ITPR1: variants seen among roughly 807,000 people sequenced by gnomAD.
ITPR1 encodes inositol 1,4,5-trisphosphate-gated calcium channel ITPR1.
A neutral mutation model predicts 318.4 loss-of-function variants in ITPR1; 96 were observed. That is an observed-to-expected ratio of 0.30 (90% CI 0.26 to 0.36). The LOEUF is 0.36. Among genes scored for constraint, ITPR1 ranks in the 10% least tolerant of loss-of-function variants. The pLI, the probability that ITPR1 is intolerant of heterozygous loss-of-function variation, is 1.00. For missense variants in ITPR1, 2,440 were observed against 3,460.2 expected (o/e 0.71, Z 7.40); for synonymous variants, 1,312 against 1,289.9 (o/e 1.02, Z -0.37).
intron 50 of ITPR1, among the ~76,000 whole-genome samples, chr3:4,783,097 A>G (rs910885165): frequency 1.3e-5 from 2 of 152,244 alleles, no homozygotes; most frequent in Non-Finnish European, 2.9e-5. Flanking sequence ...CCAAAGAAAT[A>G]AACTTCAGCT....
chr3:4,794,814 T>A (rs2047792947), intron 52 of ITPR1, among the ~76,000 whole-genome samples: 1 of 152,186 alleles, frequency 6.6e-6, no homozygotes, highest in Admixed American at 6.5e-5. Flanking sequence ...TGCTCCAACT[T>A]TTCTCTTTTT....
chr3:4,567,103 A>C (rs2087376421), intron 4 of ITPR1, among the ~76,000 whole-genome samples: 2 of 152,154 alleles, frequency 1.3e-5, no homozygotes, highest in Admixed American at 6.5e-5. Context: ...TTTCAGTGGA[A>C]TGTTGTGAGA....
intron 8 of ITPR1, among the ~76,000 whole-genome samples, chr3:4,644,915 G>A (rs1264689040): frequency 1.3e-5 from 2 of 152,176 alleles, no homozygotes; most frequent in Admixed American, 6.5e-5. Flanking sequence ...AGGAGATTGT[G>A]CGTGTTAGCA....
chr3:4,676,870 G>A, intron 24 of ITPR1, 69 bp downstream of exon 24: 1 of 1,234,306 alleles, frequency 8.1e-7, no homozygotes, highest in Non-Finnish European at 1.1e-6. Flanking sequence ...CAGTCCCTCT[G>A]TTCTGATGGA....
intron 4 of ITPR1, among the ~76,000 whole-genome samples, chr3:4,531,671 T>C (rs1449135713): frequency 6.6e-6 from 1 of 152,230 alleles, no homozygotes; most frequent in African/African-American, 2.4e-5. Context: ...GCAGTCAGAA[T>C]ACTTGCTCTG....
rs75488897 is a variant in ITPR1 at position 4,523,482 on chromosome 3, C to T, written c.163+2388C>T. Among the ~76,000 whole-genome samples the T allele has an allele frequency of 6.6e-3, 999 of 151,548 alleles. 12 individuals carry two copies. Among genetic ancestry groups the T allele is most frequent in the African/African-American group, 0.023 (963 of 41,336 alleles). ...CTACTCTTAGTGAGTTTCAAATATACGGTGTATTGTTATTTGCTGTAGTCA... is the reference window on the plus strand; with the variant it reads ...CTACTCTTAGTGAGTTTCAAATATATGGTGTATTGTTATTTGCTGTAGTCA... On this transcript the variant is annotated intron_variant, in intron 4 of 61. Coordinates refer to ENST00000649015, the MANE Select transcript of ITPR1 (RefSeq NM_001378452.1).
chr3:4,755,315 C>T (rs1253849725), intron 44 of ITPR1, among the ~76,000 whole-genome samples: 1 of 151,964 alleles, frequency 6.6e-6, no homozygotes, highest in Non-Finnish European at 1.5e-5. Context: ...CCAGTAAGTC[C>T]CAGTTCCCGT....
intron 26 of ITPR1, among the ~76,000 whole-genome samples, chr3:4,682,849 C>T (rs1488298984): frequency 6.6e-6 from 1 of 151,270 alleles, no homozygotes; most frequent in Non-Finnish European, 1.5e-5. Context: ...ACTAGCAGTG[C>T]TCAGTTATGG....
intron 40 of ITPR1, among the ~76,000 whole-genome samples, chr3:4,722,752 AT>A (rs2125302195): frequency 6.6e-6 from 1 of 152,084 alleles, no homozygotes; most frequent in South Asian, 2.1e-4. Context: ...TGCCTGGCCC[AT>A]GGGTTGGATT....
At chr3:4,685,856 G>T (rs1325201516) in intron 30 of ITPR1, among the ~76,000 whole-genome samples, 1 of 152,196 alleles carries the variant, frequency 6.6e-6, no homozygotes, top group Non-Finnish European at 1.5e-5. Context: ...GACCCACTCG[G>T]GTATTTGTGT....
At chr3:4,833,366 G>A (rs964982875) in intron 60 of ITPR1, among the ~76,000 whole-genome samples, 3 of 152,166 alleles carry the variant, frequency 2.0e-5, no homozygotes, top group African/African-American at 7.2e-5. Context: ...TCTTTCGAAG[G>A]CCTCATTAAT....
chr3:4,768,800 G>C, intron 46 of ITPR1, 36 bp downstream of exon 46: 3 of 1,580,152 alleles, frequency 1.9e-6, no homozygotes, highest in Non-Finnish European at 1.7e-6. Context: ...GAGGGAGCTC[G>C]GGAAAGGCTG....
rs1056664188 is a variant in ITPR1 at position 4,674,149 on chromosome 3, C to T, written c.2457-53C>T. 4 of 1,474,650 alleles carry T rather than the reference C, an allele frequency of 2.7e-6. No individual in the cohort carries two copies. In the African/African-American group the frequency reaches 4.3e-5, roughly 16 times the overall value. The allele number at this position is 1,474,650 out of a possible 1,614,324, so 91.3% of individuals were successfully genotyped here. A position where few individuals can be genotyped will look rare whatever the true frequency, so the allele number is the denominator to read the frequency against. On this transcript the variant is annotated intron_variant, in intron 21 of 61. Coordinates refer to ENST00000649015, the MANE Select transcript of ITPR1 (RefSeq NM_001378452.1). ...TTGAAGCTGAGTGACCCAGGAAGAC[C>T]TCTCTGGGAATAACTTGAAATTTTG... is the stretch of plus-strand genomic sequence containing the variant.
intron 2 of ITPR1, among the ~76,000 whole-genome samples, chr3:4,499,078 CGG>C (rs2080825400): frequency 6.6e-6 from 1 of 152,122 alleles, no homozygotes. Context: ...TACTTGAGCC[CGG>C]GGGTTTGAGG....
chr3:4,542,640 T>G (rs530998863), intron 4 of ITPR1, among the ~76,000 whole-genome samples: 7 of 151,670 alleles, frequency 4.6e-5, no homozygotes, highest in Non-Finnish European at 1.0e-4. Flanking sequence ...TTGGTTGGTT[T>G]GTTGTTCACC....
intron 32 of ITPR1, among the ~76,000 whole-genome samples, chr3:4,692,408 A>G (rs914224323): frequency 6.6e-6 from 1 of 152,226 alleles, no homozygotes; most frequent in Non-Finnish European, 1.5e-5. Context: ...ATAATAAATT[A>G]TTTAATCTAC....
chr3:4,520,179 A>G (rs1032239206), intron 3 of ITPR1, among the ~76,000 whole-genome samples: 2 of 152,240 alleles, frequency 1.3e-5, no homozygotes, highest in Non-Finnish European at 2.9e-5. Flanking sequence ...CAGTTCTATC[A>G]GTACCAGTTT....
intron 4 of ITPR1, among the ~76,000 whole-genome samples, chr3:4,613,469 A>T (rs545541037): frequency 1.3e-5 from 2 of 152,078 alleles, no homozygotes; most frequent in East Asian, 3.9e-4. Flanking sequence ...ATTGGGGGGA[A>T]CTTCCCTCTG....
chr3:4,580,605 C>T (rs1445955001), intron 4 of ITPR1, among the ~76,000 whole-genome samples: 4 of 152,206 alleles, frequency 2.6e-5, no homozygotes, highest in Admixed American at 1.3e-4. Flanking sequence ...ACTGGTAAAG[C>T]GTGTCAAGGA....
Sources: allele counts gnomAD v4.1 joint callset (sites outside exome capture counted in the v4.1 genomes callset), GRCh38; gene constraint gnomAD v4.1.1; transcripts MANE v1.5; gene names NCBI Gene and HGNC (gene_info 2026-07-23, HGNC 2026-07-21).